WDHD1: variants seen among roughly 807,000 people sequenced by gnomAD.
WDHD1 encodes the protein WD repeat and HMG-box DNA binding protein 1.
Under a neutral mutation model 135.4 loss-of-function variants are expected in WDHD1, and 111 were observed. The observed-to-expected ratio is 0.82, with a 90% CI of 0.70 to 0.96. The LOEUF (loss-of-function observed/expected upper bound fraction) is 0.96, where lower values mean the gene tolerates loss of function less well. Ranked by LOEUF, WDHD1 falls within the 40% of genes least tolerant of loss-of-function variation. The pLI, the probability that WDHD1 is intolerant of heterozygous loss-of-function variation, is 0.00. For missense variants in WDHD1, 1,351 were observed against 1,336.3 expected (o/e 1.01, Z -0.17); for synonymous variants, 434 against 439.0 (o/e 0.99, Z 0.14).
intron 21 of WDHD1, among the ~76,000 whole-genome samples, chr14:54,961,297 A>AAC (rs1342603419): frequency 1.3e-5 from 2 of 152,224 alleles, no homozygotes; most frequent in Admixed American, 1.3e-4. Context: ...CAGCCTGGAC[A>AAC]ACAGAGTGAC....
In WDHD1 at chr14:54,944,419, C is replaced by T. The variant is rs1161266076; in HGVS notation, c.3102G>A (p.Leu1034=). The change falls in exon 25 of 26, where the codon TTG becomes TTA. Residue 1034 remains leucine (L), a synonymous_variant. Coordinates refer to ENST00000360586, the MANE Select transcript of WDHD1 (RefSeq NM_007086.4). ...CATCTGAAAAGTCAGGATTGTCAGA[C>T]AAAATATTACTTCTATTTTCTTCTA... The part of the protein sequence containing the change: ...MWLEENRSNI[L]SDNPDFSDEA... The T allele has an allele frequency of 1.9e-6, 3 of 1,607,412 alleles. No individual in the cohort carries two copies. The highest frequency in any genetic ancestry group is 2.5e-6 in the Non-Finnish European group (3 of 1,178,790).
intron 7 of WDHD1, 47 bp downstream of exon 7, chr14:55,007,231 TAA>T (rs369698327): frequency 0.016 from 16,103 of 1,025,848 alleles, no homozygotes; most frequent in East Asian, 0.025. Flanking sequence ...CCATCTCTAA[TAA>T]AAAAAAAAAA....
Position 55,010,448 on chromosome 14 carries a change from C to A in WDHD1, c.202G>T (p.Val68Phe). The part of the protein sequence containing the change: ...YSCALKSGKL[V>F]TAVSNNTIQV... ...ATAGTATTATTAGAAACTGCAGTGA[C>A]CAGTTTTCCACTCTAAAAGAAAAAT... is the stretch of plus-strand genomic sequence containing the variant. The change falls in exon 4 of 26, where the codon GTC (valine) becomes TTC (phenylalanine). Residue 68 changes from valine (V) to phenylalanine (F), a missense_variant. This residue lies in a region of WDHD1 where 1,330 missense variants were observed against 1,296.1 expected (regional missense o/e 1.03). Transcript: ENST00000360586. 1 of 1,579,578 alleles carries A rather than the reference C, an allele frequency of 6.3e-7. No homozygotes were observed. The highest frequency in any genetic ancestry group is 8.6e-7 in the Non-Finnish European group (1 of 1,165,798).
intron 1 of WDHD1, 103 bp downstream of exon 1, chr14:55,026,925 C>T (rs1295923020): frequency 3.6e-6 from 3 of 841,592 alleles, no homozygotes; most frequent in Non-Finnish European, 5.9e-6. Context: ...TTCCCCCACC[C>T]GAGTGACACC....
chr14:55,026,867 T>C (rs1032940403), intron 1 of WDHD1, 64 bp from the exon 2 acceptor site: 14 of 1,535,250 alleles, frequency 9.1e-6, no homozygotes, highest in African/African-American at 1.4e-5. Context: ...AGGCTAGGGA[T>C]AGGAAGAGAG....
intron 16 of WDHD1, among the ~76,000 whole-genome samples, chr14:54,976,389 G>GTC (rs1316626254): frequency 1.3e-5 from 2 of 152,094 alleles, no homozygotes; most frequent in Non-Finnish European, 2.9e-5. Context: ...GCCTGGCAGG[G>GTC]TCTCTCTATG....
intron 15 of WDHD1, among the ~76,000 whole-genome samples, chr14:54,983,682 A>C (rs1212234200): frequency 1.8e-5 from 1 of 56,418 alleles, no homozygotes; most frequent in African/African-American, 1.2e-4. Flanking sequence ...TTATTCCTTA[A>C]AAAAAAAAAA....
At chr14:54,946,946 G>C (rs1172422323) in intron 24 of WDHD1, among the ~76,000 whole-genome samples, 1 of 152,188 alleles carries the variant, frequency 6.6e-6, no homozygotes, top group Non-Finnish European at 1.5e-5. Flanking sequence ...AGGAGGCTGA[G>C]GCATGAGAAT....
chr14:54,995,767 T>A lies in WDHD1; in HGVS notation c.989A>T (p.Asp330Val). 6.2e-7 allele frequency: 1 copy of A among 1,611,916 alleles called. No homozygotes were observed. The change falls in exon 11 of 26, where the codon GAT (aspartate) becomes GTT (valine). Residue 330 changes from aspartate (D) to valine (V), a missense_variant. Coordinates refer to ENST00000360586, the MANE Select transcript of WDHD1 (RefSeq NM_007086.4). ...EKDYNDLFDG[D>V]DMSNAGDFLN... ...AAAATCACCAGCATTACTCATATCA[T>A]CTCCATCAAAAAGATCATTATAATC...
intron 24 of WDHD1, among the ~76,000 whole-genome samples, chr14:54,945,376 T>C (rs1385044862): frequency 6.6e-6 from 1 of 152,212 alleles, no homozygotes; most frequent in African/African-American, 2.4e-5. Flanking sequence ...GCTTTATGTA[T>C]AGTACCTCAT....
At chr14:54,962,176 C>T (rs1211703869) in intron 21 of WDHD1, among the ~76,000 whole-genome samples, 1 of 152,154 alleles carries the variant, frequency 6.6e-6, no homozygotes, top group Non-Finnish European at 1.5e-5. Flanking sequence ...CTGCATGCTT[C>T]CTCAGTGATA....
At chr14:55,001,556 C>T (rs1037957742) in intron 8 of WDHD1, among the ~76,000 whole-genome samples, 15 of 152,168 alleles carry the variant, frequency 9.9e-5, no homozygotes, top group African/African-American at 3.6e-4. Context: ...AGCCACTGTG[C>T]CCAGCCACTG....
chr14:54,944,508 G>T, intron 24 of WDHD1, 38 bp from the exon 25 acceptor site: 1 of 1,529,352 alleles, frequency 6.5e-7, no homozygotes, highest in South Asian at 1.3e-5. Flanking sequence ...TTATACTTAA[G>T]ACAGAGTTTA....
chr14:55,015,621 T>C (rs1321989567), intron 2 of WDHD1, among the ~76,000 whole-genome samples: 2 of 152,046 alleles, frequency 1.3e-5, no homozygotes, highest in African/African-American at 2.4e-5. Context: ...TGGATTCAGA[T>C]GTAAGACCCT....
chr14:54,970,154 ACT>A (rs921668382), intron 16 of WDHD1, among the ~76,000 whole-genome samples: 5 of 152,134 alleles, frequency 3.3e-5, no homozygotes, highest in African/African-American at 7.2e-5. Context: ...AAGGTTGGCC[ACT>A]CTTTTCACTC....
chr14:54,977,173 T>C (rs540506577), intron 16 of WDHD1, among the ~76,000 whole-genome samples: 3 of 152,170 alleles, frequency 2.0e-5, no homozygotes, highest in South Asian at 4.1e-4. Context: ...ATGTAAAAAT[T>C]GGGGAGAAGT....
chr14:55,000,468 T>C, intron 10 of WDHD1, 35 bp downstream of exon 10: 2 of 1,534,386 alleles, frequency 1.3e-6, no homozygotes, highest in South Asian at 2.6e-5. Context: ...CACAGAAACA[T>C]TTTGAAGAAA....
chr14:54,961,475 A>G (rs921927335), intron 21 of WDHD1, among the ~76,000 whole-genome samples: 7 of 152,170 alleles, frequency 4.6e-5, no homozygotes, highest in African/African-American at 1.7e-4. Context: ...TGCAGCCTTC[A>G]GTTCACACAT....
chr14:54,965,878 C>T (rs2041332322), intron 18 of WDHD1, among the ~76,000 whole-genome samples: 1 of 151,596 alleles, frequency 6.6e-6, no homozygotes, highest in Non-Finnish European at 1.5e-5. Context: ...ATCACTTGAA[C>T]CCGGGAAGTG....
Sources: gnomAD v4.1 joint callset for allele counts (sites outside exome capture counted in the v4.1 genomes callset) on GRCh38, gnomAD v4.1.1 for gene constraint, gnomAD v4.1.1 regional missense constraint, MANE v1.5 for transcripts, NCBI Gene and HGNC (gene_info 2026-07-23, HGNC 2026-07-21) for gene names.